Variants in GALM observed in about 807,000 individuals in gnomAD.
The protein encoded by GALM is galactose mutarotase, also known as aldose 1-epimerase.
A neutral mutation model predicts 37.4 loss-of-function variants in GALM; 43 were observed. The ratio of observed to expected loss-of-function variants is 1.15; its 90% CI spans 0.90 to 1.48. The LOEUF (loss-of-function observed/expected upper bound fraction) is 1.48, where lower values mean the gene tolerates loss of function less well. Among genes scored for constraint, GALM ranks in the 40% most tolerant of loss-of-function variants. The pLI, the probability that GALM is intolerant of heterozygous loss-of-function variation, is 0.00. For missense variants in GALM, 456 were observed against 419.1 expected (o/e 1.09, Z -0.77); for synonymous variants, 199 against 170.6 (o/e 1.17, Z -1.30).
intron 3 of GALM, among the ~76,000 whole-genome samples, chr2:38,686,034 C>T (rs1423192646): frequency 2.6e-5 from 4 of 151,488 alleles, no homozygotes; most frequent in African/African-American, 4.8e-5. Context: ...ATCTCTTTAA[C>T]GAAGGAATGT....
chr2:38,711,805 A>C, intron 4 of GALM, among the ~76,000 whole-genome samples: 1 of 150,508 alleles, frequency 6.6e-6, no homozygotes, highest in Non-Finnish European at 1.5e-5. Context: ...CATCACCATC[A>C]CCATCATCAT....
At chr2:38,690,300 C>G (rs1479411460) in intron 4 of GALM, among the ~76,000 whole-genome samples, 1 of 151,268 alleles carries the variant, frequency 6.6e-6, no homozygotes, top group African/African-American at 2.4e-5. Flanking sequence ...GGTGAGACCC[C>G]GTCTTATTTT....
intron 3 of GALM, among the ~76,000 whole-genome samples, chr2:38,686,577 T>C (rs1665545407): frequency 6.6e-6 from 1 of 152,110 alleles, no homozygotes; most frequent in African/African-American, 2.4e-5. Context: ...AAGTGGAAAT[T>C]TCTAAGCAGC....
chr2:38,687,194 T>C (rs1230718309), intron 3 of GALM, among the ~76,000 whole-genome samples: 3 of 152,320 alleles, frequency 2.0e-5, no homozygotes, highest in African/African-American at 2.4e-5. Flanking sequence ...CCCTGAGGCA[T>C]GCGAGGATGG....
intron 4 of GALM, among the ~76,000 whole-genome samples, chr2:38,696,973 A>G (rs1048735290): frequency 2.0e-5 from 3 of 151,862 alleles, no homozygotes; most frequent in African/African-American, 7.3e-5. Flanking sequence ...TATTTTTAGT[A>G]GAGAGGGGGT....
At chr2:38,729,361 A>ACATTTATT (rs1666551850) in intron 4 of GALM, among the ~76,000 whole-genome samples, 195 bp from the exon 5 acceptor site, 1 of 102,406 alleles carries the variant, frequency 9.8e-6, no homozygotes, top group Non-Finnish European at 2.1e-5. Flanking sequence ...CTAATTTTTT[A>ACATTTATT]CATTTATTTA....
intron 2 of GALM, among the ~76,000 whole-genome samples, chr2:38,680,646 A>G (rs1665372492): frequency 6.6e-6 from 1 of 152,154 alleles, no homozygotes; most frequent in Non-Finnish European, 1.5e-5. Context: ...CTGATTTATT[A>G]AAGTTTTTTT....
intron 4 of GALM, among the ~76,000 whole-genome samples, chr2:38,727,587 C>G (rs942786591): frequency 3.9e-5 from 6 of 151,914 alleles, no homozygotes; most frequent in African/African-American, 1.2e-4. Flanking sequence ...ATTAGCTGGG[C>G]ATGATGGTGC....
intron 4 of GALM, among the ~76,000 whole-genome samples, chr2:38,694,912 A>C (rs137869964): frequency 6.9e-6 from 1 of 145,786 alleles, no homozygotes; most frequent in Non-Finnish European, 1.5e-5. Context: ...AAAAAAAAAA[A>C]CAAAAAAAGA....
chr2:38,681,493 G>T lies in GALM; in HGVS notation c.552+7G>T. 6.2e-7 allele frequency: 1 copy of T among 1,610,026 alleles called. No homozygotes were observed. The highest frequency in any genetic ancestry group is 2.2e-5 in the East Asian group (1 of 44,856). On this transcript the variant is annotated splice_region_variant and intron_variant, in intron 3 of 6. Coordinates refer to ENST00000272252, the MANE Select transcript of GALM (RefSeq NM_138801.3). ...CTTCAACCTGGCAGGCCAGGTAAGT[G>T]AACTTGTTTCTTCTTTCCTGCTTCG... is the stretch of plus-strand genomic sequence containing the variant.
intron 4 of GALM, among the ~76,000 whole-genome samples, chr2:38,725,226 T>C (rs953571891): frequency 5.9e-5 from 9 of 152,192 alleles, no homozygotes; most frequent in Non-Finnish European, 1.0e-4. Flanking sequence ...TGCTTTTTTT[T>C]CCAAGTCTAA....
At chr2:38,718,198 T>TTC (rs1362461895) in intron 4 of GALM, among the ~76,000 whole-genome samples, 1 of 134,084 alleles carries the variant, frequency 7.5e-6, no homozygotes, top group Non-Finnish European at 1.5e-5. Flanking sequence ...TTTCTTTTCT[T>TTC]TTTTTTTTTT....
At chr2:38,732,988 A>T (rs946098772) in intron 6 of GALM, among the ~76,000 whole-genome samples, 1 of 151,384 alleles carries the variant, frequency 6.6e-6, no homozygotes, top group African/African-American at 2.4e-5. Flanking sequence ...TGAGAGTCTG[A>T]GGCAGGTGTA....
Position 38,666,223 on chromosome 2 carries a change from A to G in GALM, c.62A>G (p.Lys21Arg), listed in dbSNP as rs1368203240. 4.3e-6 allele frequency: 7 copies of G among 1,614,054 alleles called. No homozygotes were observed. The highest frequency in any genetic ancestry group is 5.9e-6 in the Non-Finnish European group (7 of 1,179,956). Residue 21 changes from lysine (K) to arginine (R), a missense_variant, in exon 1 of 7, where the codon AAG becomes AGG. Physicochemically the swap from Lys to Arg is conservative, Grantham distance 26. Transcript: ENST00000272252. ...CCCTCGGGAGGAGGGACAGTGGAGA[A>G]GTTCCAGCTGCAGTCAGACCTCTTG... ...ELPSGGGTVEKFQLQSDLLRV... is the reference protein window; with the variant it reads ...ELPSGGGTVERFQLQSDLLRV...
chr2:38,722,494 A>G (rs1403916831), intron 4 of GALM, among the ~76,000 whole-genome samples: 1 of 152,118 alleles, frequency 6.6e-6, no homozygotes, highest in East Asian at 1.9e-4. Flanking sequence ...TGCTGCCCAG[A>G]CCTTAATACA....
chr2:38,716,360 G>A (rs1470944252), intron 4 of GALM, among the ~76,000 whole-genome samples: 1 of 152,236 alleles, frequency 6.6e-6, no homozygotes, highest in Non-Finnish European at 1.5e-5. Flanking sequence ...ATTGCTATGG[G>A]AGGAATCTGT....
intron 4 of GALM, among the ~76,000 whole-genome samples, chr2:38,718,352 C>A (rs1253553163): frequency 6.6e-6 from 1 of 151,484 alleles, no homozygotes. Flanking sequence ...AGTGCCACCA[C>A]CTCGCCCAGC....
At chr2:38,721,724 C>T (rs1242290730) in intron 4 of GALM, among the ~76,000 whole-genome samples, 1 of 152,078 alleles carries the variant, frequency 6.6e-6, no homozygotes, top group African/African-American at 2.4e-5. Context: ...CCAGGTTGCC[C>T]AGGTTGGTCT....
intron 4 of GALM, among the ~76,000 whole-genome samples, chr2:38,727,932 C>G (rs964237469): frequency 1.3e-5 from 2 of 152,048 alleles, no homozygotes; most frequent in Non-Finnish European, 1.5e-5. Context: ...AGATTTCAGC[C>G]CTACTTTGCA....
Sources: gnomAD v4.1 joint callset for allele counts (sites outside exome capture counted in the v4.1 genomes callset) on GRCh38, gnomAD v4.1.1 for gene constraint, MANE v1.5 for transcripts, NCBI Gene and HGNC (gene_info 2026-07-23, HGNC 2026-07-21) for gene names.